CPNE8: variants seen among roughly 807,000 people sequenced by gnomAD.
The protein encoded by CPNE8 is copine-8.
A neutral mutation model predicts 81.5 loss-of-function variants in CPNE8; 45 were observed. The ratio of observed to expected loss-of-function variants is 0.55; its 90% CI spans 0.44 to 0.71. The LOEUF (loss-of-function observed/expected upper bound fraction) is 0.71. Among genes scored for constraint, CPNE8 ranks in the 30% least tolerant of loss-of-function variants. The pLI is 0.00. For missense variants in CPNE8, 594 were observed against 672.1 expected (o/e 0.88, Z 1.28); for synonymous variants, 252 against 226.3 (o/e 1.11, Z -1.02).
At chr12:38,861,921 G>A (rs1455544186) in intron 3 of CPNE8, among the ~76,000 whole-genome samples, 4 of 152,208 alleles carry the variant, frequency 2.6e-5, no homozygotes, top group Non-Finnish European at 5.9e-5. Context: ...AATAGAGCAT[G>A]AATGGCAATA....
intron 6 of CPNE8, among the ~76,000 whole-genome samples, chr12:38,788,837 A>G (rs897272635): frequency 1.3e-5 from 2 of 151,896 alleles, no homozygotes; most frequent in South Asian, 2.1e-4. Flanking sequence ...AAAGAAATAA[A>G]GAAGTAACCC....
intron 3 of CPNE8, among the ~76,000 whole-genome samples, chr12:38,850,930 T>C (rs1049543923): frequency 1.3e-5 from 2 of 152,202 alleles, no homozygotes; most frequent in East Asian, 1.9e-4. Context: ...TATTAAGATA[T>C]AGAGCATTTA....
chr12:38,790,923 C>T (rs1350267747), intron 6 of CPNE8, among the ~76,000 whole-genome samples: 1 of 151,444 alleles, frequency 6.6e-6, no homozygotes, highest in Non-Finnish European at 1.5e-5. Flanking sequence ...ACTATTTCTC[C>T]TTTATATCTG....
At chr12:38,891,596 C>T (rs974073039) in intron 1 of CPNE8, among the ~76,000 whole-genome samples, 15 of 151,892 alleles carry the variant, frequency 9.9e-5, no homozygotes, top group Admixed American at 2.0e-4. Context: ...TACAGGCAGG[C>T]GCCACCATGC....
At chr12:38,885,423 A>C (rs542545990) in intron 1 of CPNE8, among the ~76,000 whole-genome samples, 1 of 152,318 alleles carries the variant, frequency 6.6e-6, no homozygotes, top group African/African-American at 2.4e-5. Context: ...AAAATAAATA[A>C]GATAATGCTC....
rs990771830 is a variant in CPNE8 at position 38,672,817 on chromosome 12, G to A, written c.1433-2015C>T. Reference sequence around the variant, plus strand: ...AGAGTTAAATTTAAATAATCTAATAGTCTATTCTTATTTCCTGTACCTTCA... The same window carrying A: ...AGAGTTAAATTTAAATAATCTAATAATCTATTCTTATTTCCTGTACCTTCA... On this transcript the variant is annotated intron_variant, in intron 18 of 19. Transcript: ENST00000331366. Among the ~76,000 whole-genome samples, 179 of 152,210 alleles carry A rather than the reference G, an allele frequency of 1.2e-3. 1 individual carries two copies. The highest frequency in any genetic ancestry group is 4.2e-3 in the African/African-American group (173 of 41,530).
intron 19 of CPNE8, among the ~76,000 whole-genome samples, chr12:38,665,611 C>T (rs1591997241): frequency 6.6e-6 from 1 of 152,172 alleles, no homozygotes; most frequent in Admixed American, 6.6e-5. Flanking sequence ...CAAGTCTAAG[C>T]CCTCAAGGTT....
At chr12:38,667,013 A>G (rs1939070975) in intron 19 of CPNE8, among the ~76,000 whole-genome samples, 2 of 152,268 alleles carry the variant, frequency 1.3e-5, no homozygotes, top group South Asian at 4.1e-4. Flanking sequence ...TCGTTATACA[A>G]AAAGGAAGGT....
At chr12:38,692,327 A>AT (rs1939696335) in intron 15 of CPNE8, among the ~76,000 whole-genome samples, 1 of 152,070 alleles carries the variant, frequency 6.6e-6, no homozygotes, top group Admixed American at 6.6e-5. Context: ...CAAAAAAAAA[A>AT]GTAAGGCACA....
intron 1 of CPNE8, among the ~76,000 whole-genome samples, chr12:38,881,699 T>C (rs1301934131): frequency 6.6e-6 from 1 of 152,184 alleles, no homozygotes; most frequent in Non-Finnish European, 1.5e-5. Flanking sequence ...GTGATTGATA[T>C]CCTTGGAAAC....
At chr12:38,905,415 A>G (rs1412023688) in intron 1 of CPNE8, 22 bp downstream of exon 1, 2 of 1,550,560 alleles carry the variant, frequency 1.3e-6, no homozygotes, top group African/African-American at 2.7e-5. Context: ...GGCAGGAGAG[A>G]GGGGAAGGGC....
At chr12:38,719,615 T>G (rs373705163) in intron 13 of CPNE8, among the ~76,000 whole-genome samples, 6 of 147,464 alleles carry the variant, frequency 4.1e-5, no homozygotes, top group African/African-American at 1.5e-4. Context: ...AGAAAGAAAT[T>G]GTGCCAATTG....
intron 18 of CPNE8, among the ~76,000 whole-genome samples, chr12:38,671,657 G>A (rs780866101): frequency 1.8e-4 from 27 of 151,970 alleles, no homozygotes; most frequent in Admixed American, 5.9e-4. Flanking sequence ...CCAGAGAGCC[G>A]CTTACAATTA....
At chr12:38,797,453 C>T (rs1048767179) in intron 6 of CPNE8, among the ~76,000 whole-genome samples, 1 of 152,192 alleles carries the variant, frequency 6.6e-6, no homozygotes, top group Non-Finnish European at 1.5e-5. Context: ...TGGAGTGGAC[C>T]TCCAGCAAAC....
chr12:38,805,520 G>A (rs1183046966), intron 6 of CPNE8, among the ~76,000 whole-genome samples: 1 of 108,632 alleles, frequency 9.2e-6, no homozygotes, highest in African/African-American at 3.4e-5. Flanking sequence ...GTGGGGTCGG[G>A]GGATGGGGGA....
intron 19 of CPNE8, among the ~76,000 whole-genome samples, chr12:38,667,700 C>T (rs1006969551): frequency 2.0e-5 from 3 of 152,162 alleles, no homozygotes; most frequent in African/African-American, 4.8e-5. Context: ...TGGCAGAATC[C>T]CTTGAGTGTT....
intron 13 of CPNE8, among the ~76,000 whole-genome samples, chr12:38,710,170 C>T (rs1030844690): frequency 6.9e-6 from 1 of 144,894 alleles, no homozygotes; most frequent in African/African-American, 2.6e-5. Context: ...TATCTTCATG[C>T]AATTCAAGAA....
intron 1 of CPNE8, among the ~76,000 whole-genome samples, chr12:38,898,987 G>A (rs1023578724): frequency 6.6e-6 from 1 of 152,126 alleles, no homozygotes; most frequent in South Asian, 2.1e-4. Context: ...CACATGAAAA[G>A]GAGAGGGAGA....
chr12:38,821,610 T>G (rs919259993), intron 6 of CPNE8, among the ~76,000 whole-genome samples: 2 of 152,200 alleles, frequency 1.3e-5, no homozygotes, highest in Admixed American at 6.5e-5. Context: ...TAAAGGCTAT[T>G]TTGTAAAAAA....
Sources: gnomAD v4.1 joint callset for allele counts (sites outside exome capture counted in the v4.1 genomes callset) on GRCh38, gnomAD v4.1.1 for gene constraint, MANE v1.5 for transcripts, NCBI Gene and HGNC (gene_info 2026-07-23, HGNC 2026-07-21) for gene names.